Variants in UTRN observed in about 807,000 individuals in gnomAD.
UTRN encodes utrophin.
In UTRN, 283 loss-of-function variants were observed where a neutral mutation model predicts 463.9. The observed-to-expected ratio is 0.61, with a 90% CI of 0.55 to 0.67. The LOEUF (loss-of-function observed/expected upper bound fraction) is 0.67, where lower values mean the gene tolerates loss of function less well. UTRN is among the 30% of genes least tolerant of loss of function. The pLI, the probability that UTRN is intolerant of heterozygous loss-of-function variation, is 0.00. For missense variants in UTRN, 3,922 were observed against 4,084.3 expected (o/e 0.96, Z 1.08); for synonymous variants, 1,442 against 1,431.5 (o/e 1.01, Z -0.17).
intron 60 of UTRN, among the ~76,000 whole-genome samples, chr6:144,778,080 G>A (rs1775493664): frequency 6.6e-6 from 1 of 152,156 alleles, no homozygotes; most frequent in African/African-American, 2.4e-5. Flanking sequence ...GGAGTTTAGA[G>A]ATAGGGCCAG....
chr6:144,824,612 A>ATTTT (rs1562955125), intron 66 of UTRN, among the ~76,000 whole-genome samples: 2 of 39,800 alleles, frequency 5.0e-5, no homozygotes, highest in Non-Finnish European at 8.5e-5. Flanking sequence ...ATATATATAT[A>ATTTT]TCTTTTTTTT....
rs147523032 is a variant in UTRN at position 144,501,845 on chromosome 6, C to T, written c.4764+2418C>T. On this transcript the variant is annotated intron_variant, in intron 34 of 74. Transcript: ENST00000367545. ...CAATTGTTCTTCAGAAATAGTGCAC[C>T]TACCACATGCGAATGAGAATTTCTA... 2.7e-3 allele frequency among the ~76,000 whole-genome samples: 406 copies of T among 152,226 alleles called. 2 individuals carry two copies. Among genetic ancestry groups the T allele is most frequent in the African/African-American group, 7.9e-3 (327 of 41,558 alleles).
chr6:144,480,503 G>A (rs2128573172), intron 26 of UTRN, among the ~76,000 whole-genome samples: 1 of 152,278 alleles, frequency 6.6e-6, no homozygotes, highest in Non-Finnish European at 1.5e-5. Flanking sequence ...AATACATACG[G>A]CACATATGAA....
intron 64 of UTRN, among the ~76,000 whole-genome samples, chr6:144,801,614 G>T (rs1013733976): frequency 6.6e-6 from 1 of 152,020 alleles, no homozygotes; most frequent in Non-Finnish European, 1.5e-5. Flanking sequence ...AAATGTTAAT[G>T]AAATCTTAGA....
chr6:144,545,948 A>C (rs1180301908), intron 46 of UTRN, among the ~76,000 whole-genome samples: 2 of 152,200 alleles, frequency 1.3e-5, no homozygotes, highest in Non-Finnish European at 2.9e-5. Flanking sequence ...TGAACCCAGG[A>C]GGTGGAGGTT....
chr6:144,798,346 GT>G (rs1361493974), intron 64 of UTRN, among the ~76,000 whole-genome samples: 2 of 152,140 alleles, frequency 1.3e-5, no homozygotes, highest in Non-Finnish European at 2.9e-5. Flanking sequence ...AGGTCTTGGG[GT>G]CAAACTTAGT....
chr6:144,372,219 G>A (rs1025594576), intron 2 of UTRN, among the ~76,000 whole-genome samples: 2 of 152,204 alleles, frequency 1.3e-5, no homozygotes, highest in African/African-American at 4.8e-5. Context: ...AGCATCTAAT[G>A]AGCTCAGCGC....
chr6:144,306,442 A>T (rs1805745320), intron 2 of UTRN, among the ~76,000 whole-genome samples: 1 of 152,054 alleles, frequency 6.6e-6, no homozygotes, highest in African/African-American at 2.4e-5. Flanking sequence ...TAGGAGGCAG[A>T]CCTGATAGGA....
intron 51 of UTRN, among the ~76,000 whole-genome samples, chr6:144,625,783 T>G (rs1474209089): frequency 6.6e-6 from 1 of 152,238 alleles, no homozygotes; most frequent in East Asian, 1.9e-4. Context: ...CTTACTAAGA[T>G]TGTTTTTGCT....
At chr6:144,492,228 T>C (rs1420365194) in intron 32 of UTRN, among the ~76,000 whole-genome samples, 1 of 152,222 alleles carries the variant, frequency 6.6e-6, no homozygotes, top group East Asian at 1.9e-4. Flanking sequence ...TTTATGTGCA[T>C]GTGTGCCCAT....
rs145050790 is a variant in UTRN, at chr6:144,347,922, T to C, written c.80-55201T>C. 4.5e-4 allele frequency among the ~76,000 whole-genome samples: 68 copies of C among 151,030 alleles called. 1 individual carries two copies. The East Asian group carries it at 0.012, about 27-fold the overall frequency. On this transcript the variant is annotated intron_variant, in intron 2 of 74. Coordinates refer to ENST00000367545, the MANE Select transcript of UTRN (RefSeq NM_007124.3). ...GCAGTGACACAGTCTTAGCTCACTGTAGCCTTGACCTCCCAGGCTCAAGTG... is the reference window on the plus strand; with the variant it reads ...GCAGTGACACAGTCTTAGCTCACTGCAGCCTTGACCTCCCAGGCTCAAGTG...
chr6:144,426,352 C>G lies in UTRN; in HGVS notation c.471C>G (p.Leu157=), dbSNP rs151263871. ...LQQTNSEKIL[L]SWVRQTTRPY... ...AGACGAACAGTGAGAAGATCCTGCT[C>G]AGCTGGGTGCGTCAGACCACCAGGC... Residue 157 remains leucine, a synonymous_variant, in exon 7 of 75, where the codon CTC becomes CTG. Transcript: ENST00000367545. The G allele has an allele frequency of 5.0e-6, 8 of 1,614,084 alleles. No homozygotes were observed. In the African/African-American group the frequency reaches 1.1e-4, roughly 22 times the overall value.
chr6:144,700,480 G>A (rs1784475382), intron 53 of UTRN, among the ~76,000 whole-genome samples: 1 of 151,428 alleles, frequency 6.6e-6, no homozygotes, highest in Non-Finnish European at 1.5e-5. Flanking sequence ...GTATAATATT[G>A]CTTTTAGCTT....
At chr6:144,403,018 T>G (rs904929190) in intron 2 of UTRN, 105 bp from the exon 3 acceptor site, 2 of 987,336 alleles carry the variant, frequency 2.0e-6, no homozygotes, top group Non-Finnish European at 3.1e-6. Context: ...GCTCGACTAA[T>G]AGGACTATTT....
At chr6:144,324,068 G>A (rs1357495020) in intron 2 of UTRN, among the ~76,000 whole-genome samples, 2 of 152,178 alleles carry the variant, frequency 1.3e-5, no homozygotes, top group Non-Finnish European at 2.9e-5. Flanking sequence ...CAGACCTTTA[G>A]GGGTCAGAGA....
intron 7 of UTRN, among the ~76,000 whole-genome samples, chr6:144,427,707 G>A (rs1461149820): frequency 6.6e-6 from 1 of 152,124 alleles, no homozygotes; most frequent in African/African-American, 2.4e-5. Context: ...TTTTTAGTTG[G>A]TTAAGGGATT....
At chr6:144,678,295 C>G in intron 51 of UTRN, 111 bp from the exon 52 acceptor site, 1 of 1,047,398 alleles carries the variant, frequency 9.5e-7, no homozygotes, top group Non-Finnish European at 1.3e-6. Context: ...ACTTGAATTT[C>G]TTATAATTTA....
At chr6:144,330,989 C>T in intron 2 of UTRN, 1 of 985,336 alleles carries the variant, frequency 1.0e-6, no homozygotes, top group South Asian at 4.7e-5. Flanking sequence ...TCTGAATCCA[C>T]AAACGGAGAC....
At chr6:144,405,116 A>G (rs1287472477) in intron 3 of UTRN, among the ~76,000 whole-genome samples, 1 of 152,208 alleles carries the variant, frequency 6.6e-6, no homozygotes. Flanking sequence ...GTAGTTTCTA[A>G]GCTCAGCTTC....
Sources: allele counts gnomAD v4.1 joint callset (sites outside exome capture counted in the v4.1 genomes callset), GRCh38; gene constraint gnomAD v4.1.1; transcripts MANE v1.5; gene names NCBI Gene and HGNC (gene_info 2026-07-23, HGNC 2026-07-21).